Variants in ARG2 observed in about 807,000 individuals in gnomAD.
The protein encoded by ARG2 is arginase-2, mitochondrial.
A neutral mutation model predicts 39.4 loss-of-function variants in ARG2; 21 were observed. The observed-to-expected ratio is 0.53, with a 90% CI of 0.38 to 0.77. ARG2 has a LOEUF of 0.77. Ranked by LOEUF, ARG2 falls within the 30% of genes least tolerant of loss-of-function variation. ARG2 has a pLI of 0.00. For missense variants in ARG2, 378 were observed against 426.2 expected (o/e 0.89, Z 1.00); for synonymous variants, 150 against 156.7 (o/e 0.96, Z 0.32).
At chr14:67,629,817 A>C (rs945620209) in intron 2 of ARG2, among the ~76,000 whole-genome samples, 1 of 152,246 alleles carries the variant, frequency 6.6e-6, no homozygotes, top group African/African-American at 2.4e-5. Context: ...TGCGTTAGTG[A>C]AGACTACACA....
intron 1 of ARG2, 38 bp from the exon 2 acceptor site, chr14:67,620,856 T>C: frequency 6.2e-7 from 1 of 1,611,976 alleles, no homozygotes. Context: ...TTCCGACACC[T>C]TCTCTACCTC....
At position 67,651,481 on chromosome 14, in the gene ARG2, T is replaced by A; in HGVS notation, c.*561T>A. 3 of 1,613,586 alleles carry A rather than the reference T, an allele frequency of 1.9e-6. No homozygotes were observed. The highest frequency in any genetic ancestry group is 2.5e-6 in the Non-Finnish European group (3 of 1,179,598). Reference sequence around the variant, plus strand: ...AAAGCAGCAGCTTGTTGGTTGTCACTCTACAAAGAGAAGCAAAGTGGGGAG... The same window carrying A: ...AAAGCAGCAGCTTGTTGGTTGTCACACTACAAAGAGAAGCAAAGTGGGGAG... On this transcript the variant is annotated 3_prime_UTR_variant, in exon 8 of 8. Transcript: ENST00000261783.
chr14:67,621,917 C>T (rs1052644849), intron 2 of ARG2, among the ~76,000 whole-genome samples: 4 of 151,678 alleles, frequency 2.6e-5, no homozygotes, highest in Admixed American at 6.6e-5. Context: ...ACCAATATGG[C>T]GAAATCCCTT....
At chr14:67,622,283 C>G (rs1170515554) in intron 2 of ARG2, among the ~76,000 whole-genome samples, 1 of 152,118 alleles carries the variant, frequency 6.6e-6, no homozygotes, top group African/African-American at 2.4e-5. Context: ...AAGTTAACTC[C>G]CCACTGTTGC....
At position 67,650,643 on chromosome 14, in the gene ARG2, T is replaced by C. The variant is rs1349917529; in HGVS notation, c.860-72T>C. 8.5e-6 allele frequency: 12 copies of C among 1,412,628 alleles called. No individual in the cohort carries two copies. In the Middle Eastern group the frequency reaches 7.3e-4, roughly 86 times the overall value. 87.5% of individuals were successfully genotyped at this position (1,412,628 alleles called of 1,614,324 possible). The stretch of plus-strand genomic sequence containing the variant: ...TTTTTACTTTGGCTTGTTCTCCCTG[T>C]CCCAGTGGGATGACCCTCACTGAGA... On this transcript the variant is annotated intron_variant, in intron 7 of 7. Coordinates refer to ENST00000261783, the MANE Select transcript of ARG2 (RefSeq NM_001172.4).
At chr14:67,650,657 C>G in intron 7 of ARG2, 58 bp from the exon 8 acceptor site, 3 of 1,493,258 alleles carry the variant, frequency 2.0e-6, no homozygotes, top group Admixed American at 1.7e-5. Context: ...AGTGGGATGA[C>G]CCTCACTGAG....
rs138901877 is a variant in ARG2 at position 67,642,108 on chromosome 14, T to C, written c.185-78T>C. The C allele has an allele frequency of 2.2e-3, 3,024 of 1,374,670 alleles. 8 individuals carry two copies. Among genetic ancestry groups the C allele is most frequent in the Non-Finnish European group, 2.8e-3 (2,729 of 977,630 alleles). 85.2% of individuals were successfully genotyped at this position (1,374,670 alleles called of 1,614,324 possible). ...ATTATGATGTGTACTTTGTCACGTATTATCATTGTGGCCCAGGCTAGTTAA... is the reference window on the plus strand; with the variant it reads ...ATTATGATGTGTACTTTGTCACGTACTATCATTGTGGCCCAGGCTAGTTAA... On this transcript the variant is annotated intron_variant, in intron 2 of 7. Coordinates refer to ENST00000261783, the MANE Select transcript of ARG2 (RefSeq NM_001172.4).
chr14:67,634,491 G>C (rs1019928440), intron 2 of ARG2, among the ~76,000 whole-genome samples: 10 of 151,600 alleles, frequency 6.6e-5, no homozygotes, highest in African/African-American at 2.4e-4. Context: ...CTACTTGGGA[G>C]GCTGAGGTAG....
chr14:67,643,830 C>G (rs1430632183), intron 3 of ARG2, among the ~76,000 whole-genome samples: 3 of 119,522 alleles, frequency 2.5e-5, no homozygotes, highest in African/African-American at 6.4e-5. Flanking sequence ...TCTGGAGAAG[C>G]AGGTAGATTC....
chr14:67,645,840 G>A (rs764682396), intron 4 of ARG2, 38 bp downstream of exon 4: 1 of 1,606,756 alleles, frequency 6.2e-7, no homozygotes, highest in Non-Finnish European at 8.5e-7. Context: ...TGAATGGCTT[G>A]CAGGGTTTTG....
At chr14:67,627,785 C>G (rs1488498581) in intron 2 of ARG2, among the ~76,000 whole-genome samples, 1 of 152,128 alleles carries the variant, frequency 6.6e-6, no homozygotes. Flanking sequence ...TTTTAAGAGT[C>G]TATTTCCACA....
intron 6 of ARG2, 37 bp downstream of exon 6, chr14:67,647,062 A>G (rs748953219): frequency 1.4e-5 from 18 of 1,286,784 alleles, no homozygotes; most frequent in South Asian, 2.4e-5. Flanking sequence ...CAAACCCCCA[A>G]TGGGCAACAC....
At chr14:67,648,368 G>C (rs2037128708) in intron 7 of ARG2, 185 bp downstream of exon 7, 1 of 530,132 alleles carries the variant, frequency 1.9e-6, no homozygotes, top group Admixed American at 3.9e-5. Flanking sequence ...GTCATGCTTG[G>C]ACATGGCTCT....
rs749917984 is a variant in ARG2, at chr14:67,646,655, C to T, written c.534C>T (p.Leu178=). Residue 178 remains leucine (L), a synonymous_variant, in exon 5 of 8, where the codon CTC becomes CTT. Transcript: ENST00000261783. The part of the protein sequence containing the change: ...LRELQDKVPQ[L]PGFSWIKPCI... The stretch of plus-strand genomic sequence containing the variant: ...TCTCCCTTTCATAGGTACCACAACT[C>T]CCAGGATTTTCCTGGATCAAACCTT... 3.1e-6 allele frequency: 5 copies of T among 1,611,094 alleles called. No homozygotes were observed. The highest frequency in any genetic ancestry group is 1.1e-5 in the South Asian group (1 of 90,918).
At chr14:67,638,070 T>A (rs1476266468) in intron 2 of ARG2, among the ~76,000 whole-genome samples, 2 of 152,198 alleles carry the variant, frequency 1.3e-5, no homozygotes, top group African/African-American at 4.8e-5. Flanking sequence ...GTCTCTGAAT[T>A]ACTGCATAAA....
At chr14:67,639,176 T>C (rs1326402901) in intron 2 of ARG2, among the ~76,000 whole-genome samples, 1 of 152,256 alleles carries the variant, frequency 6.6e-6, no homozygotes, top group East Asian at 1.9e-4. Flanking sequence ...GGTTCCTTTT[T>C]AGGCTTTGTG....
chr14:67,620,914 T>A lies in ARG2; in HGVS notation c.132T>A (p.His44Gln). The change falls in exon 2 of 8, where the codon CAT (histidine) becomes CAA (glutamine). Residue 44 changes from histidine (H) to glutamine (Q), a missense_variant. Transcript: ENST00000261783. ...SQGQKRKGVE[H>Q]GPAAIREAGL... is the part of the protein sequence containing the mutation. ...GACAGAAAAGAAAAGGAGTGGAGCA[T>A]GGTCCCGCTGCCATAAGAGAAGCTG... 1.9e-6 allele frequency: 3 copies of A among 1,614,158 alleles called. No homozygotes were observed. Among genetic ancestry groups the A allele is most frequent in the Non-Finnish European group, 2.5e-6 (3 of 1,179,996 alleles).
Position 67,651,626 on chromosome 14 carries a change from G to T in ARG2, c.*706G>T. On this transcript the variant is annotated 3_prime_UTR_variant, in exon 8 of 8. Coordinates refer to ENST00000261783, the MANE Select transcript of ARG2 (RefSeq NM_001172.4). ...GCCACTTAGCAGGAAGTACTCATAA[G>T]GTTCTTTAGCTGTCACTTAGGGATA... is the stretch of plus-strand genomic sequence containing the variant. 2 of 849,288 alleles carry T rather than the reference G, an allele frequency of 2.4e-6. No homozygotes were observed. Among genetic ancestry groups the T allele is most frequent in the Non-Finnish European group, 3.5e-6 (2 of 570,116 alleles). The allele number at this position is 849,288 out of a possible 1,614,324, so 52.6% of individuals were successfully genotyped here.
chr14:67,644,581 G>A (rs1397956576), intron 3 of ARG2, among the ~76,000 whole-genome samples: 1 of 152,168 alleles, frequency 6.6e-6, no homozygotes, highest in Admixed American at 6.5e-5. Context: ...AAATTCCTTG[G>A]TTACTGGGAA....
Sources: gnomAD v4.1 joint callset for allele counts (sites outside exome capture counted in the v4.1 genomes callset) on GRCh38, gnomAD v4.1.1 for gene constraint, MANE v1.5 for transcripts, NCBI Gene and HGNC (gene_info 2026-07-23, HGNC 2026-07-21) for gene names.